The following ORC4 variants were observed in gnomAD, a reference collection of about 807,000 sequenced individuals.
The protein encoded by ORC4 is origin recognition complex subunit 4.
A neutral mutation model predicts 63.9 loss-of-function variants in ORC4; 55 were observed. The observed-to-expected ratio is 0.86, with a 90% CI of 0.69 to 1.08. The LOEUF (loss-of-function observed/expected upper bound fraction) is 1.08. Among genes scored for constraint, ORC4 ranks in the 50% least tolerant of loss-of-function variants. The pLI, the probability that ORC4 is intolerant of heterozygous loss-of-function variation, is 0.00. For missense variants in ORC4, 511 were observed against 504.4 expected (o/e 1.01, Z -0.13); for synonymous variants, 150 against 168.5 (o/e 0.89, Z 0.85).
chr2:147,978,958 C>T (rs971966304), intron 1 of ORC4, among the ~76,000 whole-genome samples: 1 of 152,078 alleles, frequency 6.6e-6, no homozygotes, highest in African/African-American at 2.4e-5. Context: ...AAGGAATATA[C>T]TTCAACACAA....
chr2:147,937,421 A>G (rs748925956), intron 13 of ORC4, among the ~76,000 whole-genome samples: 39 of 152,178 alleles, frequency 2.6e-4, no homozygotes, highest in Non-Finnish European at 4.9e-4. Flanking sequence ...TTTCTCAGCT[A>G]TACATTTTAT....
intron 1 of ORC4, among the ~76,000 whole-genome samples, chr2:147,992,254 C>T (rs6430280): frequency 0.14 from 20,685 of 152,078 alleles, 1,703 homozygotes; most frequent in Middle Eastern, 0.21. Context: ...CTTGAATCAA[C>T]GAAAACTTTT....
chr2:147,989,724 GAAC>G (rs898246553), intron 1 of ORC4, among the ~76,000 whole-genome samples: 52 of 151,686 alleles, frequency 3.4e-4, no homozygotes, highest in African/African-American at 1.2e-3. Flanking sequence ...ACAACAATAG[GAAC>G]AACAACAACA....
chr2:147,952,292 G>GA lies in ORC4; in HGVS notation c.588+80dup, dbSNP rs533945288. On this transcript the variant is annotated intron_variant, in intron 8 of 13. Transcript: ENST00000392857. Reference sequence around the variant, plus strand: ...AATTTTTAAAATGACCTAAATAAGTGAAAAAAACTAGCAGTGTCAGCAATT... The same window carrying GA: ...AATTTTTAAAATGACCTAAATAAGTGAAAAAAAACTAGCAGTGTCAGCAATT... 1.4e-4 allele frequency: 149 copies of GA among 1,066,290 alleles called. No homozygotes were observed. The African/African-American group carries it at 1.8e-3, about 13-fold the overall frequency. The allele number at this position is 1,066,290 out of a possible 1,614,324, so 66.1% of individuals were successfully genotyped here.
chr2:147,970,107 C>T (rs778415844), intron 4 of ORC4, among the ~76,000 whole-genome samples: 25 of 151,976 alleles, frequency 1.6e-4, no homozygotes, highest in Non-Finnish European at 3.1e-4. Context: ...CAGTACTATT[C>T]GCACTAGAAC....
intron 1 of ORC4, among the ~76,000 whole-genome samples, chr2:148,015,341 G>A (rs1455934626): frequency 7.9e-6 from 1 of 126,848 alleles, no homozygotes; most frequent in African/African-American, 3.0e-5. Context: ...TTGAGATGGA[G>A]TCTCTCTCTG....
At chr2:147,938,083 T>C in intron 13 of ORC4, 63 bp downstream of exon 13, 1 of 1,085,760 alleles carries the variant, frequency 9.2e-7, no homozygotes, top group South Asian at 1.3e-5. Context: ...TTTTAATACA[T>C]AATCAAATTG....
chr2:148,012,766 T>A (rs1418545297), intron 1 of ORC4, among the ~76,000 whole-genome samples: 1 of 151,944 alleles, frequency 6.6e-6, no homozygotes, highest in African/African-American at 2.4e-5. Context: ...AATCTGATTT[T>A]AAAATGGGCA....
At chr2:148,004,770 G>T (rs774158732) in intron 1 of ORC4, among the ~76,000 whole-genome samples, 9 of 152,052 alleles carry the variant, frequency 5.9e-5, no homozygotes, top group Non-Finnish European at 1.0e-4. Context: ...CTTCTCAAGA[G>T]AAGACATTTA....
intron 11 of ORC4, 31 bp from the exon 12 acceptor site, chr2:147,938,424 T>A (rs1276504287): frequency 1.7e-6 from 2 of 1,206,690 alleles, no homozygotes; most frequent in South Asian, 2.4e-5. Context: ...AACTATCAGT[T>A]TAATGACATA....
At chr2:148,008,575 GATCATCTGCTCCACCCAACATTCCA>G (rs768182968) in intron 1 of ORC4, among the ~76,000 whole-genome samples, 11 of 152,166 alleles carry the variant, frequency 7.2e-5, no homozygotes, top group Non-Finnish European at 7.4e-5. Context: ...GACTCATTCT[GATCATCTGCTCCACCCAACATTCCA>G]ATCACCTGCT....
intron 1 of ORC4, among the ~76,000 whole-genome samples, chr2:147,983,354 G>A (rs1232631894): frequency 1.3e-5 from 2 of 152,170 alleles, no homozygotes; most frequent in Admixed American, 1.3e-4. Flanking sequence ...TAGTTCCACT[G>A]ATGCTTTGTC....
intron 1 of ORC4, among the ~76,000 whole-genome samples, chr2:147,999,366 G>C (rs1692167249): frequency 6.6e-6 from 1 of 152,148 alleles, no homozygotes; most frequent in African/African-American, 2.4e-5. Flanking sequence ...AGGCCCCCTA[G>C]CTCTCTTCTT....
intron 10 of ORC4, among the ~76,000 whole-genome samples, chr2:147,941,500 A>G (rs1184724951): frequency 1.3e-5 from 2 of 152,048 alleles, no homozygotes; most frequent in Admixed American, 1.3e-4. Context: ...GCAAGAAAAA[A>G]AAAGTTTAAT....
chr2:148,017,656 A>G (rs542393211), intron 1 of ORC4, among the ~76,000 whole-genome samples: 19 of 152,382 alleles, frequency 1.2e-4, no homozygotes, highest in African/African-American at 4.1e-4. Flanking sequence ...TGGGCAACAG[A>G]GCGAGACTCC....
chr2:147,970,401 G>A (rs1455777132), intron 4 of ORC4, among the ~76,000 whole-genome samples: 1 of 151,946 alleles, frequency 6.6e-6, no homozygotes, highest in Non-Finnish European at 1.5e-5. Flanking sequence ...GCAGAAGAAC[G>A]AGGTCAGAAG....
At chr2:148,001,360 G>C (rs893522152) in intron 1 of ORC4, among the ~76,000 whole-genome samples, 1 of 151,916 alleles carries the variant, frequency 6.6e-6, no homozygotes, top group African/African-American at 2.4e-5. Flanking sequence ...ATACTGCAGA[G>C]CCGAATGTTA....
intron 1 of ORC4, among the ~76,000 whole-genome samples, chr2:147,995,704 C>T (rs1490424799): frequency 6.6e-6 from 1 of 152,108 alleles, no homozygotes; most frequent in Non-Finnish European, 1.5e-5. Flanking sequence ...CGCTGCTTCA[C>T]TCCCGAAGTT....
chr2:147,973,577 AAAAT>A, intron 2 of ORC4, 53 bp from the exon 3 acceptor site: 1 of 999,016 alleles, frequency 1.0e-6, no homozygotes, highest in Non-Finnish European at 1.5e-6. Flanking sequence ...CATGATATAA[AAAAT>A]AAATAAGAAA....
Sources: gnomAD v4.1 joint callset for allele counts (sites outside exome capture counted in the v4.1 genomes callset) on GRCh38, gnomAD v4.1.1 for gene constraint, MANE v1.5 for transcripts, NCBI Gene and HGNC (gene_info 2026-07-23, HGNC 2026-07-21) for gene names.